The following SLC9B1 variants were observed in gnomAD, a reference collection of about 807,000 sequenced individuals.
SLC9B1 encodes the protein solute carrier family 9 member B1.
Under a neutral mutation model 51.7 loss-of-function variants are expected in SLC9B1, and 32 were observed. The ratio of observed to expected loss-of-function variants is 0.62; its 90% CI spans 0.47 to 0.83. The LOEUF is 0.83. SLC9B1 is among the 40% of genes least tolerant of loss of function. The pLI is 0.00. For missense variants in SLC9B1, 406 were observed against 613.2 expected (o/e 0.66, Z 3.57); for synonymous variants, 145 against 212.7 (o/e 0.68, Z 2.77).
intron 6 of SLC9B1, among the ~76,000 whole-genome samples, chr4:102,943,026 T>G (rs1434432464): frequency 1.3e-5 from 2 of 151,902 alleles, no homozygotes; most frequent in Non-Finnish European, 2.9e-5. Context: ...AGGACATGAA[T>G]AGACACTTCC....
At chr4:102,957,805 T>C (rs535648684) in intron 3 of SLC9B1, among the ~76,000 whole-genome samples, 5 of 152,170 alleles carry the variant, frequency 3.3e-5, no homozygotes, top group African/African-American at 9.6e-5. Flanking sequence ...TGTGTGTGTG[T>C]ATTCTGATTT....
chr4:102,912,650 G>C (rs1578340126), intron 7 of SLC9B1, among the ~76,000 whole-genome samples: 1 of 152,332 alleles, frequency 6.6e-6, no homozygotes, highest in Middle Eastern at 3.4e-3. Flanking sequence ...GGAGGCCAAG[G>C]CAGAAGGATT....
rs61227731 is a variant in SLC9B1 at position 103,016,134 on chromosome 4, C to CAAAAAAAAAAA, written c.-2+3454_-2+3464dup. ...GGACAACAAGAGCCAAACTCTGTCT[C>CAAAAAAAAAAA]AAAAAAAAAAAAAAAAAAAGGAAAG... On this transcript the variant is annotated intron_variant, in intron 1 of 11. Transcript: ENST00000296422. Among the ~76,000 whole-genome samples, 68 of 49,618 alleles carry CAAAAAAAAAAA rather than the reference C, an allele frequency of 1.4e-3. 8 individuals are homozygous for CAAAAAAAAAAA. The highest frequency in any genetic ancestry group is 2.6e-3 in the East Asian group (4 of 1,546). 32.6% of individuals were successfully genotyped at this position (49,618 alleles called of 152,430 possible).
chr4:103,018,412 T>G (rs1419369227), intron 1 of SLC9B1, among the ~76,000 whole-genome samples: 1 of 152,172 alleles, frequency 6.6e-6, no homozygotes, highest in Non-Finnish European at 1.5e-5. Context: ...TAAAAAAAAT[T>G]CTGGTACTCA....
chr4:102,945,403 C>A, intron 5 of SLC9B1, 83 bp from the exon 6 acceptor site: 3 of 1,410,894 alleles, frequency 2.1e-6, no homozygotes, highest in Non-Finnish European at 2.8e-6. Context: ...ACTATAAAGT[C>A]TTTTTTCATA....
intron 7 of SLC9B1, among the ~76,000 whole-genome samples, chr4:102,930,955 T>C (rs183137822): frequency 0.013 from 2,012 of 152,114 alleles, 29 homozygotes; most frequent in Admixed American, 0.02. Context: ...CCAGGTGCGA[T>C]GTCTCACGCC....
intron 1 of SLC9B1, 50 bp downstream of exon 1, chr4:103,019,549 A>T: frequency 1.0e-6 from 1 of 982,390 alleles, no homozygotes; most frequent in South Asian, 4.7e-5. Context: ...CAGACCCGGG[A>T]CTAGCGCCAA....
intron 3 of SLC9B1, among the ~76,000 whole-genome samples, chr4:102,958,055 C>T (rs571660861): frequency 6.6e-6 from 1 of 152,190 alleles, no homozygotes; most frequent in South Asian, 2.1e-4. Context: ...TGAGACTAGC[C>T]TAAGTAACAC....
intron 7 of SLC9B1, among the ~76,000 whole-genome samples, chr4:102,914,385 A>G (rs1262547745): frequency 6.6e-6 from 1 of 151,984 alleles, no homozygotes; most frequent in Admixed American, 6.6e-5. Flanking sequence ...TGCTATAGCT[A>G]ATTTGTTTAT....
chr4:102,950,911 C>T (rs980000271), intron 3 of SLC9B1, among the ~76,000 whole-genome samples: 1 of 152,158 alleles, frequency 6.6e-6, no homozygotes, highest in African/African-American at 2.4e-5. Context: ...AGGAGAATTG[C>T]TTAAACCCAG....
At chr4:102,990,783 T>C (rs188925772) in intron 2 of SLC9B1, among the ~76,000 whole-genome samples, 2 of 152,080 alleles carry the variant, frequency 1.3e-5, no homozygotes, top group Admixed American at 1.3e-4. Context: ...CATGGACACA[T>C]TGAGGAAGGG....
intron 7 of SLC9B1, among the ~76,000 whole-genome samples, chr4:102,928,559 C>T (rs549209498): frequency 6.6e-6 from 1 of 152,336 alleles, no homozygotes; most frequent in South Asian, 2.1e-4. Flanking sequence ...TCCAAAGTCA[C>T]TTCCACATTC....
At chr4:102,997,438 TA>T (rs1351631734) in intron 1 of SLC9B1, among the ~76,000 whole-genome samples, 3 of 152,186 alleles carry the variant, frequency 2.0e-5, no homozygotes, top group Admixed American at 6.5e-5. Flanking sequence ...TGGATGGTTA[TA>T]AAAATTATAA....
chr4:102,969,587 A>T (rs532807290), intron 3 of SLC9B1, among the ~76,000 whole-genome samples: 35 of 152,338 alleles, frequency 2.3e-4, no homozygotes, highest in Non-Finnish European at 4.3e-4. Flanking sequence ...TCTCCTCCAA[A>T]GGATCGGAGC....
intron 11 of SLC9B1, among the ~76,000 whole-genome samples, chr4:102,887,175 A>G (rs1224232026): frequency 2.6e-5 from 4 of 152,206 alleles, no homozygotes; most frequent in African/African-American, 9.6e-5. Flanking sequence ...AAATTGTTAG[A>G]TTTTGAATAT....
At chr4:102,960,357 G>A (rs1738038210) in intron 3 of SLC9B1, among the ~76,000 whole-genome samples, 1 of 152,068 alleles carries the variant, frequency 6.6e-6, no homozygotes, top group South Asian at 2.1e-4. Flanking sequence ...GCCAGAAACA[G>A]ACTGGCAAAG....
At chr4:103,019,154 TGTGG>T (rs1168582768) in intron 1 of SLC9B1, among the ~76,000 whole-genome samples, 1 of 151,754 alleles carries the variant, frequency 6.6e-6, no homozygotes, top group Non-Finnish European at 1.5e-5. Flanking sequence ...GGGGCGTGGA[TGTGG>T]GTGGGTGGGG....
intron 3 of SLC9B1, among the ~76,000 whole-genome samples, chr4:102,964,617 T>C (rs1188857437): frequency 6.6e-6 from 1 of 152,196 alleles, no homozygotes; most frequent in Non-Finnish European, 1.5e-5. Context: ...ATGAAGTTTA[T>C]CTCAGGAATG....
intron 3 of SLC9B1, among the ~76,000 whole-genome samples, chr4:102,977,392 G>A (rs1313282109): frequency 6.6e-6 from 1 of 151,800 alleles, no homozygotes; most frequent in Non-Finnish European, 1.5e-5. Flanking sequence ...CTACACTGGT[G>A]TAAGTGACCT....
Sources: allele counts gnomAD v4.1 joint callset (sites outside exome capture counted in the v4.1 genomes callset), GRCh38; gene constraint gnomAD v4.1.1; transcripts MANE v1.5; gene names NCBI Gene and HGNC (gene_info 2026-07-23, HGNC 2026-07-21).